COG5: variants seen among roughly 807,000 people sequenced by gnomAD.
COG5 encodes component of oligomeric golgi complex 5, also known as conserved oligomeric Golgi complex subunit 5.
Under a neutral mutation model 110.4 loss-of-function variants are expected in COG5, and 86 were observed. The ratio of observed to expected loss-of-function variants is 0.78; its 90% CI spans 0.65 to 0.93. The LOEUF (loss-of-function observed/expected upper bound fraction) is 0.93. Ranked by LOEUF, COG5 falls within the 40% of genes least tolerant of loss-of-function variation. The probability of loss-of-function intolerance (pLI) is 0.00; values close to 1 mark genes in which losing one functional copy is unlikely to be tolerated. For missense variants in COG5, 1,077 were observed against 987.0 expected (o/e 1.09, Z -1.22); for synonymous variants, 360 against 334.6 (o/e 1.08, Z -0.83).
intron 7 of COG5, among the ~76,000 whole-genome samples, chr7:107,385,478 G>A (rs1790119092): frequency 1.3e-5 from 2 of 152,096 alleles, no homozygotes; most frequent in Non-Finnish European, 2.9e-5. Context: ...ATGGATGAAT[G>A]GATAAACAAA....
At chr7:107,453,027 G>A (rs1046585869) in intron 6 of COG5, among the ~76,000 whole-genome samples, 2 of 152,136 alleles carry the variant, frequency 1.3e-5, no homozygotes, top group African/African-American at 4.8e-5. Flanking sequence ...CTATCATAGT[G>A]TATTCATCTG....
chr7:107,495,612 CAG>C (rs1042470135), intron 6 of COG5, among the ~76,000 whole-genome samples: 3 of 152,000 alleles, frequency 2.0e-5, no homozygotes, highest in Non-Finnish European at 4.4e-5. Flanking sequence ...GAAATTGATT[CAG>C]AGAGGGCTAA....
Position 107,298,338 on chromosome 7 carries a change from A to C in COG5, c.1117T>G (p.Phe373Val). The C allele has an allele frequency of 6.2e-7, 1 of 1,612,724 alleles. No homozygotes were observed. The highest frequency in any genetic ancestry group is 8.5e-7 in the Non-Finnish European group (1 of 1,179,074). The change falls in exon 12 of 22, where the codon TTT (phenylalanine) becomes GTT (valine). Residue 373 changes from phenylalanine to valine, a missense_variant. Coordinates refer to ENST00000297135, the MANE Select transcript of COG5 (RefSeq NM_006348.5). ...TCTCCTTCAAATGCCTGCTTCAAAA[A>C]CATCGAAGCTGCCAAGCAAAACAAG... ...QFHMATNSSM[F>V]LKQAFEGEYP...
chr7:107,403,453 T>C (rs1271185085), intron 7 of COG5, among the ~76,000 whole-genome samples: 1 of 151,896 alleles, frequency 6.6e-6, no homozygotes, highest in African/African-American at 2.4e-5. Flanking sequence ...GTTTGTTATA[T>C]AGGTATACAC....
chr7:107,288,905 GAGATATATATATATATATATATAT>G lies in COG5; in HGVS notation c.1314-5197_1314-5174del, dbSNP rs1188402819. ...AGATTTGCCCCTATGTTTTCTAACA[GAGATATATATATATATATATATAT>G]ATATATATATATATATATATATATA... On this transcript the variant is annotated intron_variant, in intron 12 of 21. Coordinates refer to ENST00000297135, the MANE Select transcript of COG5 (RefSeq NM_006348.5). 9.9e-3 allele frequency among the ~76,000 whole-genome samples: 663 copies of G among 67,286 alleles called. 11 individuals are homozygous for G. Among genetic ancestry groups the G allele is most frequent in the African/African-American group, 0.031 (643 of 20,916 alleles). The allele number at this position is 67,286 out of a possible 152,430, so 44.1% of individuals were successfully genotyped here. A position where few individuals can be genotyped will look rare whatever the true frequency, so the allele number is the denominator to read the frequency against.
chr7:107,305,080 A>G, intron 11 of COG5, among the ~76,000 whole-genome samples: 1 of 152,234 alleles, frequency 6.6e-6, no homozygotes, highest in East Asian at 1.9e-4. Flanking sequence ...AGGATGTGCT[A>G]TTTTATGTAC....
chr7:107,388,717 G>A (rs1790386487), intron 7 of COG5, among the ~76,000 whole-genome samples: 2 of 152,188 alleles, frequency 1.3e-5, no homozygotes, highest in Admixed American at 1.3e-4. Flanking sequence ...AATGTACGGT[G>A]TGGTCCAAGT....
At chr7:107,329,808 C>CTGCTTTA (rs1810091594) in intron 10 of COG5, among the ~76,000 whole-genome samples, 1 of 152,084 alleles carries the variant, frequency 6.6e-6, no homozygotes, top group South Asian at 2.1e-4. Flanking sequence ...AGGCAGGAGA[C>CTGCTTTA]TGCTTTAGCT....
intron 6 of COG5, among the ~76,000 whole-genome samples, chr7:107,456,501 T>C (rs73724519): frequency 0.013 from 1,993 of 152,294 alleles, 48 homozygotes; most frequent in African/African-American, 0.045. Context: ...TAAATATACT[T>C]TCCCCTATAA....
At chr7:107,217,889 GA>G (rs1015777908) in intron 19 of COG5, among the ~76,000 whole-genome samples, 1 of 151,912 alleles carries the variant, frequency 6.6e-6, no homozygotes, top group Non-Finnish European at 1.5e-5. Context: ...GAGAAAGAAA[GA>G]AAAGGCACTC....
chr7:107,402,106 A>T (rs1335977235), intron 7 of COG5, among the ~76,000 whole-genome samples: 1 of 152,186 alleles, frequency 6.6e-6, no homozygotes, highest in Non-Finnish European at 1.5e-5. Flanking sequence ...CTTCAATTCT[A>T]CATTATTTTC....
At chr7:107,487,601 A>G (rs1797724236) in intron 6 of COG5, among the ~76,000 whole-genome samples, 1 of 152,184 alleles carries the variant, frequency 6.6e-6, no homozygotes, top group African/African-American at 2.4e-5. Context: ...AATATTAAGC[A>G]AAAACCTCAA....
At chr7:107,314,794 T>G (rs868739488) in intron 11 of COG5, among the ~76,000 whole-genome samples, 1 of 152,066 alleles carries the variant, frequency 6.6e-6, no homozygotes. Context: ...CAATGCAGGA[T>G]TTTAATCAGA....
rs1798457602 is a variant in COG5, at chr7:107,202,953, A to T, written c.*563T>A. 6.6e-6 allele frequency: 1 copy of T among 151,684 alleles called. No homozygotes were observed. Among genetic ancestry groups the T allele is most frequent in the East Asian group, 1.9e-4 (1 of 5,172 alleles). The allele number at this position is 151,684 out of a possible 1,614,324, so 9.4% of individuals were successfully genotyped here. A position where few individuals can be genotyped will look rare whatever the true frequency, so the allele number is the denominator to read the frequency against. ...CAGTGGTTCCTCAACTTTGTTGTCT[A>T]TTGGAATCATTTTGGGGATTTTTTT... On this transcript the variant is annotated 3_prime_UTR_variant, in exon 22 of 22. Transcript: ENST00000297135.
At chr7:107,339,938 C>T (rs538694260) in intron 10 of COG5, among the ~76,000 whole-genome samples, 3 of 152,082 alleles carry the variant, frequency 2.0e-5, no homozygotes, top group Admixed American at 1.3e-4. Flanking sequence ...AATCATTTAA[C>T]ATCACACATA....
chr7:107,327,839 C>T (rs893952409), intron 10 of COG5, among the ~76,000 whole-genome samples: 2 of 152,076 alleles, frequency 1.3e-5, no homozygotes, highest in Admixed American at 6.6e-5. Context: ...AAATTTTGTG[C>T]ACTGTTGGTA....
intron 6 of COG5, chr7:107,475,090 C>G: frequency 3.7e-6 from 6 of 1,612,778 alleles, no homozygotes; most frequent in Non-Finnish European, 5.1e-6. Context: ...CCCAAGTGAC[C>G]TTTTAGTAAA....
At chr7:107,266,095 TGA>T (rs1023898530) in intron 14 of COG5, among the ~76,000 whole-genome samples, 16 of 151,966 alleles carry the variant, frequency 1.1e-4, no homozygotes, top group African/African-American at 3.9e-4. Flanking sequence ...CACGTGTGTG[TGA>T]GAGAGTTTGT....
In COG5 at chr7:107,504,410, T is replaced by C. The variant is rs190899454; in HGVS notation, c.538+22827A>G. Among the ~76,000 whole-genome samples the C allele has an allele frequency of 9.7e-4, 148 of 152,328 alleles. 3 individuals are homozygous for C. Among genetic ancestry groups the C allele is most frequent in the Admixed American group, 2.2e-3 (33 of 15,298 alleles). Reference sequence around the variant, plus strand: ...TGGATTTGGTTAGTTAGTATTTTGTTGAAAATTTTTGCATCAATGTTCATC... The same window carrying C: ...TGGATTTGGTTAGTTAGTATTTTGTCGAAAATTTTTGCATCAATGTTCATC... On this transcript the variant is annotated intron_variant, in intron 6 of 21. Coordinates refer to ENST00000297135, the MANE Select transcript of COG5 (RefSeq NM_006348.5).
Sources: allele counts gnomAD v4.1 joint callset (sites outside exome capture counted in the v4.1 genomes callset), GRCh38; gene constraint gnomAD v4.1.1; transcripts MANE v1.5; gene names NCBI Gene and HGNC (gene_info 2026-07-23, HGNC 2026-07-21).